Variants in ADGRL3 observed in about 807,000 individuals in gnomAD.
ADGRL3 encodes calcium-independent alpha-latrotoxin receptor 3.
ADGRL3 carries 62 observed loss-of-function variants against 153.5 expected under a neutral mutation model. The ratio of observed to expected loss-of-function variants is 0.40; its 90% CI spans 0.33 to 0.50. The LOEUF (loss-of-function observed/expected upper bound fraction) is 0.50. Among genes scored for constraint, ADGRL3 ranks in the 20% least tolerant of loss-of-function variants. The pLI, the probability that ADGRL3 is intolerant of heterozygous loss-of-function variation, is 0.47. For synonymous variants in ADGRL3, 710 were observed against 672.5 expected (o/e 1.06, Z -0.86); for missense variants, 1,641 against 1,859.4 (o/e 0.88, Z 2.16).
At position 61,774,288 on chromosome 4, in the gene ADGRL3, C is replaced by T. The variant is rs564932172; in HGVS notation, c.1400-39521C>T. Among the ~76,000 whole-genome samples the T allele has an allele frequency of 5.4e-5, 8 of 147,732 alleles. No individual in the cohort carries two copies. In the South Asian group the frequency reaches 1.5e-3, roughly 28 times the overall value. On this transcript the variant is annotated intron_variant, in intron 8 of 26. Coordinates refer to ENST00000683033, the MANE Select transcript of ADGRL3 (RefSeq NM_001387552.1). ...AGGAGAATCACTTGAACCTGGGAGG[C>T]GGAGGTTGCAGTGAGCCAAGATCGC...
chr4:61,747,500 T>C, intron 8 of ADGRL3, among the ~76,000 whole-genome samples: 1 of 147,318 alleles, frequency 6.8e-6, no homozygotes, highest in East Asian at 2.0e-4. Context: ...ATCAAAAAGC[T>C]TATCCACCAT....
chr4:61,286,567 A>G lies in ADGRL3; in HGVS notation c.-240+84802A>G, dbSNP rs529648960. 3.3e-5 allele frequency among the ~76,000 whole-genome samples: 5 copies of G among 151,874 alleles called. 1 individual carries two copies. The highest frequency in any genetic ancestry group is 1.2e-4 in the African/African-American group (5 of 41,544). ...TCTGACTTTGAGATAGTACCTATAT[A>G]ACTGAAGCAAATTGGTGAATTATAT... On this transcript the variant is annotated intron_variant, in intron 1 of 26. Coordinates refer to ENST00000683033, the MANE Select transcript of ADGRL3 (RefSeq NM_001387552.1).
At chr4:61,707,871 C>A (rs2095882601) in intron 6 of ADGRL3, among the ~76,000 whole-genome samples, 1 of 152,074 alleles carries the variant, frequency 6.6e-6, no homozygotes, top group South Asian at 2.1e-4. Context: ...AACAAGACTC[C>A]ATTAGAGACA....
At chr4:61,818,480 G>A (rs1369601201) in intron 9 of ADGRL3, among the ~76,000 whole-genome samples, 2 of 152,310 alleles carry the variant, frequency 1.3e-5, no homozygotes, top group South Asian at 2.1e-4. Flanking sequence ...TCTGTGGTCT[G>A]GAGGACAACA....
chr4:61,717,542 A>G (rs2096145554), intron 6 of ADGRL3, among the ~76,000 whole-genome samples: 1 of 152,122 alleles, frequency 6.6e-6, no homozygotes, highest in East Asian at 1.9e-4. Flanking sequence ...TTATCTGTGA[A>G]ATGGTGATAA....
intron 5 of ADGRL3, among the ~76,000 whole-genome samples, chr4:61,646,779 C>T (rs1406011044): frequency 1.3e-5 from 2 of 152,166 alleles, no homozygotes; most frequent in African/African-American, 2.4e-5. Flanking sequence ...GGCAGGCAGG[C>T]CTCCTTGAGC....
chr4:61,819,034 G>T (rs968905807), intron 9 of ADGRL3, among the ~76,000 whole-genome samples: 1 of 151,900 alleles, frequency 6.6e-6, no homozygotes, highest in Non-Finnish European at 1.5e-5. Context: ...CATTAGCTTG[G>T]AACTATAAAA....
At chr4:61,261,880 A>T (rs1209969652) in intron 1 of ADGRL3, among the ~76,000 whole-genome samples, 1 of 152,164 alleles carries the variant, frequency 6.6e-6, no homozygotes, top group Non-Finnish European at 1.5e-5. Flanking sequence ...TGAGGCAGAA[A>T]GAAACAATGT....
intron 21 of ADGRL3, among the ~76,000 whole-genome samples, chr4:62,013,088 A>AT (rs1375090322): frequency 6.6e-6 from 1 of 152,114 alleles, no homozygotes; most frequent in African/African-American, 2.4e-5. Context: ...GATTGTTTCC[A>AT]TTTTTTCAAG....
At chr4:61,709,110 A>C (rs998661706) in intron 6 of ADGRL3, among the ~76,000 whole-genome samples, 1 of 152,108 alleles carries the variant, frequency 6.6e-6, no homozygotes. Flanking sequence ...CACCCGGCTC[A>C]GTTCTTAAAC....
rs1402828392 is a variant in ADGRL3, at chr4:62,072,909, T to C, written c.*2001T>C. On this transcript the variant is annotated 3_prime_UTR_variant, in exon 27 of 27. Transcript: ENST00000683033. ...AGAGAATATTCATTTTATAAAGATA[T>C]AATAAGACTTTTATTGTGTTTTTTT... 6.6e-6 allele frequency: 1 copy of C among 152,162 alleles called. No homozygotes were observed. Among genetic ancestry groups the C allele is most frequent in the East Asian group, 1.9e-4 (1 of 5,186 alleles). The allele number at this position is 152,162 out of a possible 1,614,324, so 9.4% of individuals were successfully genotyped here.
At chr4:61,225,985 A>G (rs550525340) in intron 1 of ADGRL3, among the ~76,000 whole-genome samples, 1 of 152,078 alleles carries the variant, frequency 6.6e-6, no homozygotes, top group African/African-American at 2.4e-5. Flanking sequence ...AAAAGCTCTC[A>G]AGTTCTCATT....
At chr4:61,346,551 G>A (rs1348422771) in intron 1 of ADGRL3, among the ~76,000 whole-genome samples, 1 of 151,442 alleles carries the variant, frequency 6.6e-6, no homozygotes. Flanking sequence ...ATCACTTGAG[G>A]CCAGGAGTTT....
intron 5 of ADGRL3, among the ~76,000 whole-genome samples, chr4:61,587,850 G>A (rs1025143314): frequency 7.2e-5 from 11 of 152,044 alleles, no homozygotes; most frequent in African/African-American, 2.7e-4. Flanking sequence ...AAAATTAATA[G>A]GTAATTTATA....
At chr4:62,059,154 G>A (rs1211804291) in intron 25 of ADGRL3, among the ~76,000 whole-genome samples, 1 of 152,108 alleles carries the variant, frequency 6.6e-6, no homozygotes, top group African/African-American at 2.4e-5. Flanking sequence ...GCGATAGGAA[G>A]TATGTCCTCT....
chr4:61,694,191 T>A (rs1254093861), intron 6 of ADGRL3, among the ~76,000 whole-genome samples: 17 of 47,094 alleles, frequency 3.6e-4, no homozygotes, highest in African/African-American at 2.0e-3. Context: ...TTTTTTTTTT[T>A]TTTTTTTTTT....
chr4:61,927,153 T>C (rs2098797792), intron 13 of ADGRL3, among the ~76,000 whole-genome samples: 1 of 152,196 alleles, frequency 6.6e-6, no homozygotes. Flanking sequence ...TCTTTCTTGC[T>C]GCATCCCAGT....
chr4:61,482,788 A>T (rs911993878), intron 2 of ADGRL3, among the ~76,000 whole-genome samples: 2 of 152,174 alleles, frequency 1.3e-5, no homozygotes, highest in African/African-American at 4.8e-5. Context: ...CTTTGTCAAA[A>T]TAGTTTTGGA....
At chr4:62,008,042 G>A (rs1246493791) in intron 21 of ADGRL3, among the ~76,000 whole-genome samples, 1 of 152,106 alleles carries the variant, frequency 6.6e-6, no homozygotes, top group Non-Finnish European at 1.5e-5. Context: ...GCAACATGGG[G>A]ATCTTTGGTG....
Sources: allele counts gnomAD v4.1 joint callset (sites outside exome capture counted in the v4.1 genomes callset), GRCh38; gene constraint gnomAD v4.1.1; transcripts MANE v1.5; gene names NCBI Gene and HGNC (gene_info 2026-07-23, HGNC 2026-07-21).